The following FBLN7 variants were observed in gnomAD, a reference collection of about 807,000 sequenced individuals.
FBLN7 encodes fibulin-7.
FBLN7 carries 31 observed loss-of-function variants against 44.0 expected under a neutral mutation model. The observed-to-expected ratio is 0.70, with a 90% CI of 0.53 to 0.95. The LOEUF (loss-of-function observed/expected upper bound fraction) is 0.95, where lower values mean the gene tolerates loss of function less well. Among genes scored for constraint, FBLN7 ranks in the 40% least tolerant of loss-of-function variants. FBLN7 has a pLI of 0.00. For missense variants in FBLN7, 573 were observed against 618.5 expected, an observed-to-expected ratio of 0.93 and a Z score of 0.78; for synonymous variants, 262 against 253.4, an observed-to-expected ratio of 1.03 and a Z score of -0.32.
In FBLN7 at chr2:112,152,911, T is replaced by C. The variant is rs188201315; in HGVS notation, c.76-6765T>C. The C allele has an allele frequency of 6.6e-5, 10 of 152,374 alleles. No homozygotes were observed. The East Asian group carries it at 1.9e-3, about 29-fold the overall frequency. 9.4% of individuals were successfully genotyped at this position (152,374 alleles called of 1,614,324 possible). A position where few individuals can be genotyped will look rare whatever the true frequency, so the allele number is the denominator to read the frequency against. ...CTTTCTCTCTCCATATATTAATAAG[T>C]ATGTTATATATTACAATATTACATA... On this transcript the variant is annotated intron_variant, in intron 1 of 7. Coordinates refer to ENST00000331203, the MANE Select transcript of FBLN7 (RefSeq NM_153214.3).
At chr2:112,173,428 A>C (rs1256777865) in intron 3 of FBLN7, among the ~76,000 whole-genome samples, 1 of 152,218 alleles carries the variant, frequency 6.6e-6, no homozygotes, top group African/African-American at 2.4e-5. Flanking sequence ...AGTTTAGATA[A>C]AAATGAGAAA....
chr2:112,206,332 C>CT, the FBLN7 span, among the ~76,000 whole-genome samples: 2 of 152,098 alleles, frequency 1.3e-5, no homozygotes, highest in African/African-American at 4.8e-5. Context: ...GTTTAACTGA[C>CT]TTTTTTTCAT....
At chr2:112,159,943 A>G in intron 2 of FBLN7, 108 bp downstream of exon 2, 1 of 863,684 alleles carries the variant, frequency 1.2e-6, no homozygotes, top group Non-Finnish European at 1.5e-6. Context: ...TTCCCCCATC[A>G]CCTTCCATCT....
the FBLN7 span, chr2:112,233,999 TCTAA>T: frequency 1.7e-6 from 1 of 602,592 alleles, no homozygotes; most frequent in Admixed American, 4.0e-5. Flanking sequence ...ACTAAAATTT[TCTAA>T]CTGATTTTTT....
At position 112,159,680 on chromosome 2, in the gene FBLN7, G is replaced by T; in HGVS notation, c.80G>T (p.Cys27Phe). 1 of 1,556,456 alleles carries T rather than the reference G, an allele frequency of 6.4e-7. No individual in the cohort carries two copies. Among genetic ancestry groups the T allele is most frequent in the Non-Finnish European group, 8.7e-7 (1 of 1,147,978 alleles). ...ACPEPRASQN[C>F]LSKQQLLSAI... ...GGCGATGTCTTCTCTCCGCAGAACT[G>T]TCTCAGCAAACAGCAGCTCCTCTCG... The change falls in exon 2 of 8, where the codon TGT (cysteine) becomes TTT (phenylalanine). Residue 27 changes from cysteine to phenylalanine, a missense_variant. By Grantham distance (205) the Cys-to-Phe change is radical. Transcript: ENST00000331203.
intron 3 of FBLN7, 53 bp from the exon 4 acceptor site, chr2:112,175,661 G>A (rs1296808962): frequency 1.2e-6 from 2 of 1,603,530 alleles, no homozygotes; most frequent in East Asian, 2.2e-5. Flanking sequence ...TATTGTATTT[G>A]TTTTAGACCT....
chr2:112,143,998 G>A (rs1394446903), intron 1 of FBLN7, among the ~76,000 whole-genome samples: 1 of 152,090 alleles, frequency 6.6e-6, no homozygotes, highest in Non-Finnish European at 1.5e-5. Flanking sequence ...CATTTACCCC[G>A]AGATAACTTT....
Position 112,185,180 on chromosome 2 carries a change from G to T in FBLN7, c.809-21G>T, listed in dbSNP as rs1683208892. The T allele has an allele frequency of 3.1e-6, 5 of 1,606,942 alleles. No individual in the cohort carries two copies. In the East Asian group the frequency reaches 1.1e-4, roughly 36 times the overall value. On this transcript the variant is annotated intron_variant, in intron 6 of 7. Coordinates refer to ENST00000331203, the MANE Select transcript of FBLN7 (RefSeq NM_153214.3). The stretch of plus-strand genomic sequence containing the variant: ...GGGAAGGTCAGGGCGATTCTCACCT[G>T]TTGTATGTCCTGTATCTCAGATGTG...
At chr2:112,140,608 G>A (rs1680595081) in intron 1 of FBLN7, among the ~76,000 whole-genome samples, 1 of 152,236 alleles carries the variant, frequency 6.6e-6, no homozygotes, top group Non-Finnish European at 1.5e-5. Flanking sequence ...GGAGGAAGAA[G>A]ATTTCTCAGG....
intron 4 of FBLN7, 113 bp from the exon 5 acceptor site, chr2:112,181,626 C>T (rs4848280): frequency 0.14 from 169,422 of 1,232,070 alleles, 13,209 homozygotes; most frequent in East Asian, 0.36. Context: ...CCAGAGTAAG[C>T]CCTTTGAGAA....
chr2:112,218,216 G>T, the FBLN7 span, among the ~76,000 whole-genome samples: 1 of 152,022 alleles, frequency 6.6e-6, no homozygotes, highest in Admixed American at 6.5e-5. Context: ...CTGTATATGA[G>T]GTTTAATAAC....
At chr2:112,207,742 C>T in the FBLN7 span, among the ~76,000 whole-genome samples, 1 of 152,162 alleles carries the variant, frequency 6.6e-6, no homozygotes, top group Non-Finnish European at 1.5e-5. Context: ...CATAACAAGT[C>T]ACCCCTTTTG....
the FBLN7 span, among the ~76,000 whole-genome samples, chr2:112,209,814 TA>T: frequency 6.8e-6 from 1 of 148,058 alleles, no homozygotes; most frequent in Non-Finnish European, 1.5e-5. Flanking sequence ...GCCATCTGCT[TA>T]GAAGAGTGGC....
downstream of FBLN7, chr2:112,190,366 C>A (rs1254129738): frequency 2.6e-5 from 4 of 152,154 alleles, no homozygotes; most frequent in Non-Finnish European, 4.4e-5. Flanking sequence ...AGCTGACATA[C>A]TTTATAAAGA....
chr2:112,159,979 T>C (rs1469580733), intron 2 of FBLN7, 144 bp downstream of exon 2: 2 of 557,510 alleles, frequency 3.6e-6, no homozygotes, highest in Non-Finnish European at 5.3e-6. Context: ...CCCTTTTTTA[T>C]TTATTATTTA....
chr2:112,203,642 G>A, the FBLN7 span, among the ~76,000 whole-genome samples: 1 of 152,186 alleles, frequency 6.6e-6, no homozygotes, highest in East Asian at 1.9e-4. Flanking sequence ...CCCTAAGGAA[G>A]CTCAGAACTT....
downstream of FBLN7, chr2:112,188,559 G>A (rs1019510213): frequency 6.6e-6 from 1 of 152,150 alleles, no homozygotes; most frequent in Non-Finnish European, 1.5e-5. Flanking sequence ...ATGGGGTAGG[G>A]TGGGGAAGAT....
the FBLN7 span, among the ~76,000 whole-genome samples, chr2:112,243,020 A>G: frequency 2.0e-5 from 3 of 152,240 alleles, no homozygotes; most frequent in Admixed American, 6.5e-5. Context: ...CTGCTCAAAG[A>G]TATGAGGAAA....
At chr2:112,152,635 C>T (rs1261825624) in intron 1 of FBLN7, 6 of 152,214 alleles carry the variant, frequency 3.9e-5, no homozygotes, top group South Asian at 2.1e-4. Context: ...AAAGCCGATT[C>T]GCCTCCTAGT....
Sources: allele counts gnomAD v4.1 joint callset (sites outside exome capture counted in the v4.1 genomes callset), GRCh38; gene constraint gnomAD v4.1.1; transcripts MANE v1.5; gene names NCBI Gene and HGNC (gene_info 2026-07-23, HGNC 2026-07-21).